TMEM132B: variants seen among roughly 807,000 people sequenced by gnomAD.
TMEM132B encodes the protein transmembrane protein 132B.
TMEM132B carries 18 observed loss-of-function variants against 90.8 expected under a neutral mutation model. That is an observed-to-expected ratio of 0.20 (90% CI 0.14 to 0.29). TMEM132B has a LOEUF of 0.29. Among genes scored for constraint, TMEM132B ranks in the 10% least tolerant of loss-of-function variants. The pLI is 1.00. For missense variants in TMEM132B, 1,096 were observed against 1,326.8 expected (o/e 0.83, Z 2.70); for synonymous variants, 504 against 523.3 (o/e 0.96, Z 0.50).
At chr12:125,439,489 G>A (rs1880803825) in intron 3 of TMEM132B, among the ~76,000 whole-genome samples, 1 of 152,174 alleles carries the variant, frequency 6.6e-6, no homozygotes, top group South Asian at 2.1e-4. Flanking sequence ...TGGTATGTAG[G>A]AATTCTTGTG....
At position 125,351,857 on chromosome 12, in the gene TMEM132B, T is replaced by G. The variant is rs551614669; in HGVS notation, c.959+1514T>G. Among the ~76,000 whole-genome samples, 4 of 152,302 alleles carry G rather than the reference T, an allele frequency of 2.6e-5. No homozygotes were observed. In the South Asian group the frequency reaches 8.3e-4, roughly 32 times the overall value. ...CTGGATTCATCTGCTATTATGGAAGTGAATTGCAGCTGCTGTCATGAAGCA... is the reference window on the plus strand; with the variant it reads ...CTGGATTCATCTGCTATTATGGAAGGGAATTGCAGCTGCTGTCATGAAGCA... On this transcript the variant is annotated intron_variant, in intron 2 of 8. Transcript: ENST00000682704.
chr12:125,426,191 A>G (rs35524861), intron 3 of TMEM132B, among the ~76,000 whole-genome samples: 21,132 of 152,198 alleles, frequency 0.14, 1,605 homozygotes, highest in African/African-American at 0.18. Context: ...CAGCTCCCCA[A>G]TGATACATGA....
At chr12:125,567,139 C>T (rs1012288190) in intron 4 of TMEM132B, among the ~76,000 whole-genome samples, 12 of 152,092 alleles carry the variant, frequency 7.9e-5, no homozygotes, top group South Asian at 2.1e-4. Context: ...CTACTGCAGC[C>T]GGCTGTCTTT....
intron 1 of TMEM132B, among the ~76,000 whole-genome samples, chr12:125,231,089 C>G (rs1334706941): frequency 3.9e-5 from 6 of 152,138 alleles, no homozygotes; most frequent in African/African-American, 1.4e-4. Context: ...TCCGGAGGCT[C>G]TAGGGGAGGC....
At chr12:125,626,278 A>G (rs1287279222) in intron 5 of TMEM132B, among the ~76,000 whole-genome samples, 1 of 151,952 alleles carries the variant, frequency 6.6e-6, no homozygotes, top group Non-Finnish European at 1.5e-5. Context: ...GTTTGTTTCC[A>G]TTCATCTGTT....
chr12:125,562,022 C>T (rs1434860193), intron 4 of TMEM132B, among the ~76,000 whole-genome samples: 1 of 152,196 alleles, frequency 6.6e-6, no homozygotes, highest in Non-Finnish European at 1.5e-5. Context: ...GGAAGTGTTT[C>T]ATCTACATGG....
chr12:125,387,234 T>G (rs896535893), intron 2 of TMEM132B, among the ~76,000 whole-genome samples: 1 of 151,654 alleles, frequency 6.6e-6, no homozygotes, highest in African/African-American at 2.4e-5. Context: ...GGGGTAAGAG[T>G]TTTTTGCTTT....
intron 3 of TMEM132B, among the ~76,000 whole-genome samples, chr12:125,416,736 A>G (rs1322315735): frequency 6.6e-6 from 1 of 152,192 alleles, no homozygotes; most frequent in Non-Finnish European, 1.5e-5. Flanking sequence ...AAAGCATTCC[A>G]TTAGGAATCA....
At chr12:125,227,973 C>G (rs115080978) in intron 1 of TMEM132B, among the ~76,000 whole-genome samples, 1 of 152,224 alleles carries the variant, frequency 6.6e-6, no homozygotes, top group African/African-American at 2.4e-5. Context: ...GGCTTGATAA[C>G]GTACCCTTTG....
At chr12:125,340,571 T>G (rs1185193760) in intron 1 of TMEM132B, among the ~76,000 whole-genome samples, 10 of 152,178 alleles carry the variant, frequency 6.6e-5, no homozygotes. Flanking sequence ...CTCTGTTGTA[T>G]TTCAAATTGT....
At chr12:125,556,927 T>C (rs1884404120) in intron 4 of TMEM132B, among the ~76,000 whole-genome samples, 1 of 152,168 alleles carries the variant, frequency 6.6e-6, no homozygotes, top group Non-Finnish European at 1.5e-5. Flanking sequence ...GCTAATTTTT[T>C]GTATTTTTAG....
At chr12:125,508,390 T>C (rs894965945) in intron 3 of TMEM132B, among the ~76,000 whole-genome samples, 3 of 152,146 alleles carry the variant, frequency 2.0e-5, no homozygotes, top group African/African-American at 7.2e-5. Flanking sequence ...TAATCCTTTG[T>C]GCGTGATGCT....
intron 1 of TMEM132B, among the ~76,000 whole-genome samples, chr12:125,190,209 C>A (rs1359549383): frequency 1.3e-5 from 2 of 152,212 alleles, no homozygotes; most frequent in East Asian, 3.9e-4. Context: ...CTTTCTAACC[C>A]TGTACCTGGG....
rs1027035183 is a variant in TMEM132B at position 125,655,477 on chromosome 12, A to G, written c.*767A>G. 6.6e-6 allele frequency: 1 copy of G among 152,188 alleles called. No individual in the cohort carries two copies. Among genetic ancestry groups the G allele is most frequent in the African/African-American group, 2.4e-5 (1 of 41,446 alleles). The allele number at this position is 152,188 out of a possible 1,614,324, so 9.4% of individuals were successfully genotyped here. A position where few individuals can be genotyped will look rare whatever the true frequency, so the allele number is the denominator to read the frequency against. ...GTATAACACTGGGACAAAGGGTTTT[A>G]CTTAAAATGTTAATATACAGTGAGG... On this transcript the variant is annotated 3_prime_UTR_variant, in exon 9 of 9. Coordinates refer to ENST00000682704, the MANE Select transcript of TMEM132B (RefSeq NM_001366854.1).
At position 125,591,070 on chromosome 12, in the gene TMEM132B, C is replaced by G. The variant is rs562779332; in HGVS notation, c.1437+7076C>G. Among the ~76,000 whole-genome samples, 9 of 152,136 alleles carry G rather than the reference C, an allele frequency of 5.9e-5. No homozygotes were observed. In the East Asian group the frequency reaches 1.7e-3, roughly 29 times the overall value. Reference sequence around the variant, plus strand: ...GTGTGTGTTGCGGTGGGGAGTGGCACGCTGGTGTTTCTATGAGCTAGTAGC... The same window carrying G: ...GTGTGTGTTGCGGTGGGGAGTGGCAGGCTGGTGTTTCTATGAGCTAGTAGC... On this transcript the variant is annotated intron_variant, in intron 5 of 8. Coordinates refer to ENST00000682704, the MANE Select transcript of TMEM132B (RefSeq NM_001366854.1).
chr12:125,283,794 T>TCTGCCA (rs1373808251), intron 1 of TMEM132B, among the ~76,000 whole-genome samples: 2 of 152,248 alleles, frequency 1.3e-5, no homozygotes, highest in South Asian at 4.1e-4. Context: ...TGTTGGTCTG[T>TCTGCCA]CTGCCACTCC....
At chr12:125,652,744 T>C (rs895568553) in intron 8 of TMEM132B, 112 bp downstream of exon 8, 4 of 1,252,480 alleles carry the variant, frequency 3.2e-6, no homozygotes, top group African/African-American at 3.1e-5. Context: ...CTGGGGATTC[T>C]TGAAGCTTCT....
chr12:125,471,589 G>A (rs1881723330), intron 3 of TMEM132B, among the ~76,000 whole-genome samples: 1 of 152,148 alleles, frequency 6.6e-6, no homozygotes, highest in African/African-American at 2.4e-5. Context: ...GCAGGGAGCC[G>A]CTGACTGAAT....
intron 4 of TMEM132B, among the ~76,000 whole-genome samples, chr12:125,529,241 C>G (rs1883582445): frequency 6.6e-6 from 1 of 152,038 alleles, no homozygotes; most frequent in South Asian, 2.1e-4. Context: ...TGCCACCATG[C>G]CTGGTTAAGT....
Sources: allele counts gnomAD v4.1 joint callset (sites outside exome capture counted in the v4.1 genomes callset), GRCh38; gene constraint gnomAD v4.1.1; transcripts MANE v1.5; gene names NCBI Gene and HGNC (gene_info 2026-07-23, HGNC 2026-07-21).